Variants in RXFP1 observed in about 807,000 individuals in gnomAD.
RXFP1 encodes the protein relaxin family peptide receptor 1.
A neutral mutation model predicts 89.8 loss-of-function variants in RXFP1; 73 were observed. That is an observed-to-expected ratio of 0.81 (90% CI 0.67 to 0.99). RXFP1 has a LOEUF of 0.99. Among genes scored for constraint, RXFP1 ranks in the 50% least tolerant of loss-of-function variants. The pLI is 0.00. For missense variants in RXFP1, 793 were observed against 895.5 expected (o/e 0.89, Z 1.46); for synonymous variants, 277 against 305.5 (o/e 0.91, Z 0.97).
intron 8 of RXFP1, among the ~76,000 whole-genome samples, chr4:158,613,405 T>G (rs1763934875): frequency 1.3e-5 from 2 of 152,260 alleles, no homozygotes; most frequent in Non-Finnish European, 2.9e-5. Flanking sequence ...TCTTTCAAAA[T>G]TGAAGTCAAT....
chr4:158,595,664 G>A (rs914476595), intron 3 of RXFP1, among the ~76,000 whole-genome samples: 2 of 152,128 alleles, frequency 1.3e-5, no homozygotes, highest in African/African-American at 4.8e-5. Context: ...ACCATAAATT[G>A]TAAAGTCTAG....
chr4:158,639,631 C>T (rs768042856), intron 14 of RXFP1, among the ~76,000 whole-genome samples: 3 of 151,936 alleles, frequency 2.0e-5, no homozygotes, highest in Non-Finnish European at 2.9e-5. Context: ...GCACTTTGGG[C>T]GGCCGAGGTG....
rs143490232 is a variant in RXFP1, at chr4:158,576,727, TGCTAGTAGTG to T, written c.187+3895_187+3904del. 8.8e-3 allele frequency among the ~76,000 whole-genome samples: 1,340 copies of T among 152,220 alleles called. 13 individuals are homozygous for T. The highest frequency in any genetic ancestry group is 0.03 in the African/African-American group (1,231 of 41,518). ...TTTAGCTCCTCTAGGAAAACCGGTA[TGCTAGTAGTG>T]GCAGTCATCTAGAAATAGAAAAAAA... is the stretch of plus-strand genomic sequence containing the variant. On this transcript the variant is annotated intron_variant, in intron 2 of 17. Transcript: ENST00000307765.
intron 1 of RXFP1, among the ~76,000 whole-genome samples, chr4:158,542,788 AT>A (rs10709675): frequency 0.038 from 5,774 of 152,246 alleles, 331 homozygotes; most frequent in African/African-American, 0.13. Context: ...GAGAGTCTGT[AT>A]TGCTATTTTC....
At chr4:158,635,963 G>A (rs1381897534) in intron 12 of RXFP1, among the ~76,000 whole-genome samples, 4 of 152,012 alleles carry the variant, frequency 2.6e-5, no homozygotes, top group South Asian at 4.2e-4. Context: ...AAAATGCTGC[G>A]ATTACAGGCA....
At chr4:158,640,358 G>A (rs1024666805) in intron 14 of RXFP1, among the ~76,000 whole-genome samples, 11 of 152,144 alleles carry the variant, frequency 7.2e-5, no homozygotes, top group African/African-American at 2.4e-4. Flanking sequence ...TCGGAGGCTC[G>A]GTAGTTTATA....
chr4:158,575,314 A>T (rs988527615), intron 2 of RXFP1, among the ~76,000 whole-genome samples: 2 of 152,210 alleles, frequency 1.3e-5, no homozygotes, highest in African/African-American at 4.8e-5. Flanking sequence ...AACTCTAGCT[A>T]TAAAGGGAGG....
chr4:158,543,947 G>A (rs1747507145), intron 1 of RXFP1: 3 of 985,270 alleles, frequency 3.0e-6, no homozygotes, highest in South Asian at 4.7e-5. Flanking sequence ...TGCCTCTGAG[G>A]ATTCTTGGTG....
chr4:158,587,610 A>G (rs1379747973), intron 2 of RXFP1, among the ~76,000 whole-genome samples: 1 of 152,264 alleles, frequency 6.6e-6, no homozygotes, highest in Non-Finnish European at 1.5e-5. Flanking sequence ...TATAGATAGA[A>G]TGTAAACATT....
chr4:158,625,337 T>C (rs1766496007), intron 9 of RXFP1, among the ~76,000 whole-genome samples: 1 of 151,984 alleles, frequency 6.6e-6, no homozygotes. Flanking sequence ...TACAAAACTA[T>C]AGAGATATGA....
chr4:158,543,985 T>C (rs964183471), intron 1 of RXFP1: 1 of 985,464 alleles, frequency 1.0e-6, no homozygotes, highest in South Asian at 4.7e-5. Flanking sequence ...CCATGTTTCG[T>C]CCATTTTGCC....
chr4:158,578,955 T>C (rs1756795651), intron 2 of RXFP1, among the ~76,000 whole-genome samples: 1 of 148,818 alleles, frequency 6.7e-6, no homozygotes, highest in African/African-American at 2.5e-5. Context: ...TATTTGGAAA[T>C]AGGGTCTTTG....
At chr4:158,551,250 G>A (rs1320692066) in intron 1 of RXFP1, among the ~76,000 whole-genome samples, 2 of 152,164 alleles carry the variant, frequency 1.3e-5, no homozygotes, top group Non-Finnish European at 2.9e-5. Flanking sequence ...TTTATATGTA[G>A]GATGTGAAGT....
intron 16 of RXFP1, 132 bp from the exon 17 acceptor site, chr4:158,648,367 C>G (rs1190255829): frequency 1.8e-6 from 1 of 558,898 alleles, no homozygotes; most frequent in East Asian, 3.3e-5. Flanking sequence ...AGAAAAAACC[C>G]ACACATTATA....
chr4:158,638,485 T>G (rs1011469371), intron 13 of RXFP1, among the ~76,000 whole-genome samples: 2 of 152,082 alleles, frequency 1.3e-5, no homozygotes, highest in African/African-American at 4.8e-5. Flanking sequence ...AGACAAAAAT[T>G]CTGTTAGAGC....
intron 1 of RXFP1, among the ~76,000 whole-genome samples, chr4:158,545,399 T>A (rs1273060448): frequency 6.6e-6 from 1 of 152,220 alleles, no homozygotes; most frequent in African/African-American, 2.4e-5. Flanking sequence ...TTTTGTAGGT[T>A]GTCTGTTCAC....
chr4:158,605,652 A>G (rs1762431283), intron 5 of RXFP1, among the ~76,000 whole-genome samples: 1 of 152,144 alleles, frequency 6.6e-6, no homozygotes, highest in Non-Finnish European at 1.5e-5. Flanking sequence ...GTTGCGTTTT[A>G]TTTTGGCCTT....
At chr4:158,643,274 A>G (rs1286536640) in intron 14 of RXFP1, among the ~76,000 whole-genome samples, 1 of 152,026 alleles carries the variant, frequency 6.6e-6, no homozygotes, top group Non-Finnish European at 1.5e-5. Context: ...TTAGAAAAGA[A>G]ATTATTTGGG....
At chr4:158,556,737 T>G (rs1751392777) in intron 1 of RXFP1, among the ~76,000 whole-genome samples, 1 of 152,138 alleles carries the variant, frequency 6.6e-6, no homozygotes, top group Admixed American at 6.6e-5. Flanking sequence ...CAGCCACACA[T>G]ATATTCAGCC....
Sources: allele counts gnomAD v4.1 joint callset (sites outside exome capture counted in the v4.1 genomes callset), GRCh38; gene constraint gnomAD v4.1.1; transcripts MANE v1.5; gene names NCBI Gene and HGNC (gene_info 2026-07-23, HGNC 2026-07-21).